The following TPO variants were observed in gnomAD, a reference collection of about 807,000 sequenced individuals.
The protein encoded by TPO is thyroid peroxidase, also known as thyroid microsomal antigen.
A neutral mutation model predicts 96.9 loss-of-function variants in TPO; 78 were observed. The ratio of observed to expected loss-of-function variants is 0.81; its 90% CI spans 0.67 to 0.97. The LOEUF (loss-of-function observed/expected upper bound fraction) is 0.97. Among genes scored for constraint, TPO ranks in the 50% least tolerant of loss-of-function variants. TPO has a pLI of 0.00. For synonymous variants in TPO, 547 were observed against 538.0 expected, an observed-to-expected ratio of 1.02 and a Z score of -0.23; for missense variants, 1,252 against 1,274.8, an observed-to-expected ratio of 0.98 and a Z score of 0.27.
intron 8 of TPO, among the ~76,000 whole-genome samples, chr2:1,482,485 T>C (rs980696852): frequency 6.6e-6 from 1 of 152,082 alleles, no homozygotes. Flanking sequence ...GAAGAAGACA[T>C]GGCCCACCTG....
At chr2:1,517,551 G>T (rs752411696) in intron 15 of TPO, among the ~76,000 whole-genome samples, 2 of 151,630 alleles carry the variant, frequency 1.3e-5, no homozygotes, top group Non-Finnish European at 2.9e-5. Context: ...AACCGGCTCT[G>T]TTCCTTGCTG....
chr2:1,456,365 G>T (rs370652332), intron 7 of TPO, 83 bp downstream of exon 7: 3 of 1,439,724 alleles, frequency 2.1e-6, no homozygotes, highest in African/African-American at 2.8e-5. Flanking sequence ...AAAACAAAAT[G>T]TGAAAGTCTG....
Position 1,540,710 on chromosome 2 carries a change from AGGACTCGG to A in TPO, c.2736_2743del (p.Asp913AlafsTer65). The stretch of plus-strand genomic sequence containing the variant: ...ACCTCACCGCAGCGGGCCGCAGCTC[AGGACTCGG>A]AGCAGGTGGGCCACACCATGCCGCA... On this transcript the variant is annotated frameshift_variant, in exon 16 of 17. Transcript: ENST00000329066. LOFTEE classifies it low-confidence loss of function (END_TRUNC). 3.1e-6 allele frequency: 5 copies of A among 1,613,222 alleles called. No individual in the cohort carries two copies. Among genetic ancestry groups the A allele is most frequent in the Non-Finnish European group, 4.2e-6 (5 of 1,180,040 alleles).
intron 4 of TPO, among the ~76,000 whole-genome samples, chr2:1,434,400 G>A (rs1665347150): frequency 6.6e-6 from 1 of 152,170 alleles, no homozygotes; most frequent in South Asian, 2.1e-4. Flanking sequence ...GGCTAAATCA[G>A]TATTGACCAG....
intron 7 of TPO, among the ~76,000 whole-genome samples, chr2:1,457,503 G>T (rs1350396683): frequency 1.9e-5 from 1 of 52,420 alleles, no homozygotes; most frequent in Non-Finnish European, 4.1e-5. Flanking sequence ...TGTGTACATA[G>T]CATGTATGAT....
chr2:1,478,362 G>T (rs758175232), intron 8 of TPO: 1 of 985,276 alleles, frequency 1.0e-6, no homozygotes, highest in Non-Finnish European at 1.2e-6. Flanking sequence ...GCCCTGTGGC[G>T]GCCTGGGCAT....
Position 1,425,058 on chromosome 2 carries a change from A to T in TPO, c.179+1929A>T, listed in dbSNP as rs557946777. ...CCCTTCTGTAAAGTCATTGTTCTGGATGCTGGGATACAGAGATGAGTTTGA... is the reference window on the plus strand; with the variant it reads ...CCCTTCTGTAAAGTCATTGTTCTGGTTGCTGGGATACAGAGATGAGTTTGA... On this transcript the variant is annotated intron_variant, in intron 3 of 16. Transcript: ENST00000329066. Among the ~76,000 whole-genome samples the T allele has an allele frequency of 1.5e-4, 18 of 119,616 alleles. No homozygotes were observed. The South Asian group carries it at 4.8e-3, about 32-fold the overall frequency. The allele number at this position is 119,616 out of a possible 152,430, so 78.5% of individuals were successfully genotyped here. A position where few individuals can be genotyped will look rare whatever the true frequency, so the allele number is the denominator to read the frequency against.
chr2:1,378,867 C>T (rs1178467712), intron 1 of TPO, among the ~76,000 whole-genome samples: 2 of 151,824 alleles, frequency 1.3e-5, no homozygotes, highest in Non-Finnish European at 2.9e-5. Context: ...TCTGCCTCCC[C>T]CTGTTCTGGG....
At chr2:1,474,062 C>T (rs1020121932) in intron 7 of TPO, among the ~76,000 whole-genome samples, 2 of 152,054 alleles carry the variant, frequency 1.3e-5, no homozygotes, top group Admixed American at 6.6e-5. Flanking sequence ...ACAATGATAG[C>T]GGGAGTTTCT....
chr2:1,459,391 C>A (rs569280953), intron 7 of TPO, among the ~76,000 whole-genome samples: 1 of 152,152 alleles, frequency 6.6e-6, no homozygotes, highest in Admixed American at 6.5e-5. Context: ...ACCTTGGGAT[C>A]CGCCTGCCTT....
At chr2:1,426,652 A>G (rs761284154) in intron 3 of TPO, among the ~76,000 whole-genome samples, 4 of 152,226 alleles carry the variant, frequency 2.6e-5, no homozygotes, top group Non-Finnish European at 4.4e-5. Flanking sequence ...ATTATTTCAT[A>G]TTCTGAAAAG....
chr2:1,519,163 G>A (rs980938532), intron 15 of TPO, among the ~76,000 whole-genome samples: 5 of 152,226 alleles, frequency 3.3e-5, no homozygotes, highest in Non-Finnish European at 7.3e-5. Context: ...TGCCTCCAGA[G>A]CTCTAGGTCA....
chr2:1,542,016 AG>A (rs1680819341), intron 16 of TPO: 1 of 240,754 alleles, frequency 4.2e-6, no homozygotes, highest in Non-Finnish European at 8.2e-6. Context: ...GAATTTAAAT[AG>A]CTTTTCCAGC....
chr2:1,428,694 C>T (rs75721873), intron 3 of TPO, among the ~76,000 whole-genome samples: 1 of 152,132 alleles, frequency 6.6e-6, no homozygotes, highest in Non-Finnish European at 1.5e-5. Flanking sequence ...AAAAGGAGCA[C>T]CCTTGGCCTT....
chr2:1,478,363 G>A, intron 8 of TPO: 9 of 985,422 alleles, frequency 9.1e-6, no homozygotes, highest in Non-Finnish European at 9.6e-6. Flanking sequence ...CCCTGTGGCG[G>A]CCTGGGCATC....
Position 1,516,949 on chromosome 2 carries a change from T to C in TPO, c.2585T>C (p.Phe862Ser), listed in dbSNP as rs779191992. The C allele has an allele frequency of 6.2e-6, 10 of 1,613,882 alleles. No individual in the cohort carries two copies. The highest frequency in any genetic ancestry group is 8.5e-6 in the Non-Finnish European group (10 of 1,180,044). ...MSLAALLIGG[F>S]AGLTSTVICR... ...CTGGCTGCTCTGCTGATCGGAGGCTTCGCAGGTCTCACCTCGACGGTGATT... is the reference window on the plus strand; with the variant it reads ...CTGGCTGCTCTGCTGATCGGAGGCTCCGCAGGTCTCACCTCGACGGTGATT... The change falls in exon 15 of 17, where the codon TTC (phenylalanine) becomes TCC (serine). Residue 862 changes from phenylalanine (F) to serine (S), a missense_variant. Physicochemically the swap from Phe to Ser is radical, Grantham distance 155 (BLOSUM62 -2). Coordinates refer to ENST00000329066, the MANE Select transcript of TPO (RefSeq NM_001206744.2).
intron 5 of TPO, 37 bp downstream of exon 5, chr2:1,436,421 G>C: frequency 1.2e-6 from 2 of 1,613,826 alleles, no homozygotes; most frequent in Non-Finnish European, 1.7e-6. Flanking sequence ...TCTCGTGAAA[G>C]TTGGATCTGA....
At chr2:1,500,610 A>G (rs1672777445) in intron 13 of TPO, among the ~76,000 whole-genome samples, 1 of 152,232 alleles carries the variant, frequency 6.6e-6, no homozygotes, top group African/African-American at 2.4e-5. Context: ...AAAAACAAAT[A>G]GTATTCGCTG....
At chr2:1,403,099 T>C (rs1662196167) in intron 1 of TPO, among the ~76,000 whole-genome samples, 1 of 152,258 alleles carries the variant, frequency 6.6e-6, no homozygotes, top group Admixed American at 6.5e-5. Flanking sequence ...TCCTTTGTTT[T>C]ATGAATTGCC....
Sources: gnomAD v4.1 joint callset for allele counts (sites outside exome capture counted in the v4.1 genomes callset) on GRCh38, gnomAD v4.1.1 for gene constraint, MANE v1.5 for transcripts, NCBI Gene and HGNC (gene_info 2026-07-23, HGNC 2026-07-21) for gene names.